The following MICAL2 variants were observed in gnomAD, a reference collection of about 807,000 sequenced individuals.
The protein encoded by MICAL2 is [F-actin]-monooxygenase MICAL2.
In MICAL2, 77 loss-of-function variants were observed where a neutral mutation model predicts 127.3. The observed-to-expected ratio is 0.60, with a 90% confidence interval of 0.50 to 0.73. MICAL2 has a LOEUF of 0.73. Among genes scored for constraint, MICAL2 ranks in the 30% least tolerant of loss-of-function variants. The pLI, the probability that MICAL2 is intolerant of heterozygous loss-of-function variation, is 0.00. For missense variants in MICAL2, 1,351 were observed against 1,434.4 expected, an observed-to-expected ratio of 0.94 and a Z score of 0.94; for synonymous variants, 570 against 551.1, an observed-to-expected ratio of 1.03 and a Z score of -0.48.
chr11:12,153,515 G>A (rs1486013304), intron 2 of MICAL2, among the ~76,000 whole-genome samples: 5 of 152,104 alleles, frequency 3.3e-5, no homozygotes, highest in African/African-American at 7.2e-5. Flanking sequence ...TTGGCTGACT[G>A]CAACCTCCAC....
At chr11:12,324,682 G>A (rs753242428) in intron 31 of MICAL2, among the ~76,000 whole-genome samples, 14 of 152,250 alleles carry the variant, frequency 9.2e-5, no homozygotes, top group South Asian at 6.2e-4. Context: ...TAGGATACAC[G>A]GACTTAGAAT....
intron 1 of MICAL2, among the ~76,000 whole-genome samples, chr11:12,134,017 G>A (rs1205571392): frequency 2.0e-5 from 3 of 152,364 alleles, no homozygotes; most frequent in African/African-American, 4.8e-5. Context: ...AGGAGGTGGT[G>A]TGCATGGGGT....
At chr11:12,292,677 T>C (rs1333049701), downstream of MICAL2, among the ~76,000 whole-genome samples, 1 of 152,160 alleles carries the variant, frequency 6.6e-6, no homozygotes, top group Non-Finnish European at 1.5e-5. Context: ...TTTGGTAGGG[T>C]CCAAGAACCT....
chr11:12,356,959 C>T (rs1939137995), intron 34 of MICAL2, among the ~76,000 whole-genome samples: 1 of 152,222 alleles, frequency 6.6e-6, no homozygotes, highest in Non-Finnish European at 1.5e-5. Context: ...GCCCATCCAC[C>T]AATGAGATAT....
At chr11:12,253,658 G>A (rs895434734) in intron 22 of MICAL2, 2 of 152,176 alleles carry the variant, frequency 1.3e-5, no homozygotes, top group Non-Finnish European at 1.5e-5. Context: ...AGTTAAACCC[G>A]AGGAGGGAAA....
chr11:12,219,682 C>T (rs997116298), intron 8 of MICAL2, among the ~76,000 whole-genome samples: 3 of 152,062 alleles, frequency 2.0e-5, no homozygotes, highest in South Asian at 2.1e-4. Context: ...GGATCATACT[C>T]GCTTAGCTGA....
chr11:12,249,515 G>A (rs1450874884), intron 22 of MICAL2, among the ~76,000 whole-genome samples: 1 of 152,210 alleles, frequency 6.6e-6, no homozygotes, highest in Non-Finnish European at 1.5e-5. Flanking sequence ...CCAGCCCTGG[G>A]CATATGGCCG....
At chr11:12,265,334 T>C (rs555900887), downstream of MICAL2, among the ~76,000 whole-genome samples, 1 of 152,346 alleles carries the variant, frequency 6.6e-6, no homozygotes, top group Non-Finnish European at 1.5e-5. Flanking sequence ...TAGACTAGTG[T>C]TTAATTCAGA....
intron 4 of MICAL2, chr11:12,207,595 T>C (rs1854873030): frequency 6.4e-6 from 1 of 156,298 alleles, no homozygotes; most frequent in Admixed American, 6.3e-5. Flanking sequence ...GAGTCACTGA[T>C]CACGGTCTTC....
chr11:12,171,855 C>T (rs192320503), intron 3 of MICAL2, among the ~76,000 whole-genome samples: 125 of 152,232 alleles, frequency 8.2e-4, no homozygotes, highest in African/African-American at 2.8e-3. Context: ...AATATAAAGA[C>T]GTGTTGAAAT....
chr11:12,182,610 C>T (rs965521075), intron 3 of MICAL2, among the ~76,000 whole-genome samples: 1 of 152,174 alleles, frequency 6.6e-6, no homozygotes, highest in African/African-American at 2.4e-5. Context: ...GATGGCCTCT[C>T]TAAGGTCTTT....
chr11:12,121,085 C>A (rs571248400), intron 1 of MICAL2, among the ~76,000 whole-genome samples: 148 of 152,296 alleles, frequency 9.7e-4, no homozygotes, highest in African/African-American at 3.0e-3. Flanking sequence ...TTTTGGAACT[C>A]CTGGTTAGGG....
At chr11:12,149,236 T>C (rs1853305661) in intron 2 of MICAL2, among the ~76,000 whole-genome samples, 1 of 151,322 alleles carries the variant, frequency 6.6e-6, no homozygotes, top group Non-Finnish European at 1.5e-5. Flanking sequence ...GAGTCTAGAG[T>C]ATGAGGGGGC....
intron 21 of MICAL2, among the ~76,000 whole-genome samples, 192 bp downstream of exon 21, chr11:12,244,304 CA>C (rs1320426025): frequency 6.6e-6 from 1 of 152,190 alleles, no homozygotes; most frequent in African/African-American, 2.4e-5. Flanking sequence ...AGGCAGTGTA[CA>C]AAAGCTTGCC....
At chr11:12,224,900 G>C in intron 13 of MICAL2, 80 bp downstream of exon 13, 1 of 1,482,126 alleles carries the variant, frequency 6.7e-7, no homozygotes, top group Non-Finnish European at 9.2e-7. Context: ...TTCATTACTT[G>C]GTTCAATATT....
At chr11:12,126,725 A>T in intron 1 of MICAL2, among the ~76,000 whole-genome samples, 1 of 135,644 alleles carries the variant, frequency 7.4e-6, no homozygotes, top group East Asian at 2.3e-4. Context: ...AAAAAAATTA[A>T]GTAACAGGAG....
chr11:12,150,811 G>A lies in MICAL2; in HGVS notation c.-77-11268G>A, dbSNP rs186282481. On this transcript the variant is annotated intron_variant, in intron 2 of 27. Coordinates refer to ENST00000683283, the MANE Select transcript of MICAL2 (RefSeq NM_001282663.2). ...ATCTGTTTTTAGTCGTCTTACCATAGCAGAGAGTTGGTTAAGGCGAGGATG... is the reference window on the plus strand; with the variant it reads ...ATCTGTTTTTAGTCGTCTTACCATAACAGAGAGTTGGTTAAGGCGAGGATG... Among the ~76,000 whole-genome samples, 15 of 152,268 alleles carry A rather than the reference G, an allele frequency of 9.9e-5. No homozygotes were observed. The East Asian group carries it at 2.5e-3, about 25-fold the overall frequency.
chr11:12,176,473 T>TTG (rs1856853889), intron 3 of MICAL2, among the ~76,000 whole-genome samples: 4 of 152,232 alleles, frequency 2.6e-5, no homozygotes, highest in Non-Finnish European at 4.4e-5. Flanking sequence ...CCCCTTGCCT[T>TTG]TTGTGACACA....
intron 32 of MICAL2, among the ~76,000 whole-genome samples, chr11:12,344,726 C>G (rs1938926009): frequency 6.7e-6 from 1 of 150,248 alleles, no homozygotes; most frequent in Non-Finnish European, 1.5e-5. Flanking sequence ...GTCTTGAACT[C>G]CTGACCCCAG....
Sources: gnomAD v4.1 joint callset for allele counts (sites outside exome capture counted in the v4.1 genomes callset) on GRCh38, gnomAD v4.1.1 for gene constraint, MANE v1.5 for transcripts, NCBI Gene and HGNC (gene_info 2026-07-23, HGNC 2026-07-21) for gene names.